USP42: variants seen among roughly 807,000 people sequenced by gnomAD.
USP42 encodes the protein ubiquitin specific peptidase 42, also known as ubiquitin carboxyl-terminal hydrolase 42.
In USP42, 23 loss-of-function variants were observed where a neutral mutation model predicts 113.0. The ratio of observed to expected loss-of-function variants is 0.20; its 90% CI spans 0.15 to 0.29. The LOEUF (loss-of-function observed/expected upper bound fraction) is 0.29, where lower values mean the gene tolerates loss of function less well. USP42 is among the 10% of genes least tolerant of loss of function. The pLI is 1.00. For synonymous variants in USP42, 933 were observed against 699.0 expected, an observed-to-expected ratio of 1.33 and a Z score of -5.28; for missense variants, 2,174 against 1,779.8, an observed-to-expected ratio of 1.22 and a Z score of -3.99.
chr7:6,154,032 C>T lies in USP42; in HGVS notation c.2478C>T (p.Gly826=), dbSNP rs774767617. Residue 826 remains glycine, a synonymous_variant, in exon 15 of 18, where the codon GGC becomes GGT. Coordinates refer to ENST00000306177, the MANE Select transcript of USP42 (RefSeq NM_032172.3). ...PDLCDPGSLT[G]DASPLSQDAK... The stretch of plus-strand genomic sequence containing the variant: ...TGTGTGATCCCGGGAGCTTAACAGG[C>T]GATGCGAGCCCGTTGTCCCAGGACG... 5.5e-5 allele frequency: 88 copies of T among 1,604,784 alleles called. No individual in the cohort carries two copies. The highest frequency in any genetic ancestry group is 7.0e-5 in the Non-Finnish European group (83 of 1,179,292).
the USP42 span, chr7:6,081,750 C>G: frequency 4.6e-5 from 7 of 152,212 alleles, no homozygotes; most frequent in Middle Eastern, 3.2e-3. Context: ...ACGTGGACTG[C>G]GGGTTCGCTC....
intron 4 of USP42, 43 bp downstream of exon 4, chr7:6,135,994 TA>T: frequency 8.7e-7 from 1 of 1,151,734 alleles, no homozygotes; most frequent in South Asian, 1.6e-5. Flanking sequence ...ATTTATTACC[TA>T]GTTATACTTT....
intron 11 of USP42, among the ~76,000 whole-genome samples, chr7:6,147,324 G>A (rs139141728): frequency 1.4e-4 from 22 of 152,284 alleles, no homozygotes; most frequent in South Asian, 4.1e-4. Context: ...TGAGCCAGGC[G>A]TGGTGGTGCA....
Position 6,157,053 on chromosome 7 carries a change from AG to A in USP42, c.3943+1del. 1.3e-6 allele frequency: 2 copies of A among 1,581,066 alleles called. No homozygotes were observed. The highest frequency in any genetic ancestry group is 2.3e-5 in the South Asian group (2 of 86,076). On this transcript the variant is annotated frameshift_variant and splice_region_variant, in exon 16 of 18. Transcript: ENST00000306177. LOFTEE classifies it high-confidence loss of function. This position sits in a 1 kb window ranked among gnomAD's most constrained non-coding sequence, Gnocchi z 4.1. ...DDRCRLFEYG[Q>X]GD Reference sequence around the variant, plus strand: ...AGGTGTCGTCTCTTTGAGTATGGCCAGGGTAAGAGGAGATACTTGGAATTAG... The same window carrying A: ...AGGTGTCGTCTCTTTGAGTATGGCCAGGTAAGAGGAGATACTTGGAATTAG...
chr7:6,105,835 C>G (rs1779249996), intron 1 of USP42, among the ~76,000 whole-genome samples: 1 of 152,228 alleles, frequency 6.6e-6, no homozygotes, highest in Non-Finnish European at 1.5e-5. Context: ...ACCCCTCTCA[C>G]ATGCATGCAG....
chr7:6,149,281 C>T (rs145396688), intron 12 of USP42, among the ~76,000 whole-genome samples: 2 of 152,270 alleles, frequency 1.3e-5, no homozygotes, highest in East Asian at 3.9e-4. Context: ...GTGTGTGACT[C>T]CATGCCACAG....
At chr7:6,115,246 T>C in intron 2 of USP42, 77 bp from the exon 3 acceptor site, 1 of 1,430,032 alleles carries the variant, frequency 7.0e-7, no homozygotes, top group South Asian at 1.2e-5. Context: ...AAGATTGAGG[T>C]TTGACCAGGT....
intron 9 of USP42, among the ~76,000 whole-genome samples, chr7:6,145,259 A>G (rs1275749894): frequency 6.6e-6 from 1 of 151,458 alleles, no homozygotes; most frequent in Non-Finnish European, 1.5e-5. Context: ...TGAACCCGGG[A>G]GGCGGAGCTT....
intron 2 of USP42, 115 bp from the exon 3 acceptor site, chr7:6,115,208 G>T: frequency 2.0e-6 from 2 of 981,480 alleles, no homozygotes; most frequent in South Asian, 1.5e-5. Flanking sequence ...ATTTCAGGTA[G>T]GCTGGTCATG....
chr7:6,108,588 C>T (rs1413165982), intron 1 of USP42, among the ~76,000 whole-genome samples: 1 of 152,126 alleles, frequency 6.6e-6, no homozygotes, highest in Non-Finnish European at 1.5e-5. Flanking sequence ...TCAAGCGATT[C>T]TCCTACCTCA....
At position 6,159,467 on chromosome 7, in the gene USP42, C is replaced by G. The variant is rs778725705; in HGVS notation, c.*10C>G. The G allele has an allele frequency of 7.7e-5, 125 of 1,613,764 alleles. No homozygotes were observed. The highest frequency in any genetic ancestry group is 1.0e-4 in the Non-Finnish European group (120 of 1,179,856). ...CTTTCTAGGTGATTGAAAACTCAGC[C>G]TCAAAACAAAAAATTCACTAGTTAT... On this transcript the variant is annotated 3_prime_UTR_variant, in exon 17 of 18. Coordinates refer to ENST00000306177, the MANE Select transcript of USP42 (RefSeq NM_032172.3). The surrounding 1 kb of genome is among the most constrained non-coding windows in gnomAD (Gnocchi z 4.1).
At chr7:6,130,229 C>G (rs1780777375) in intron 3 of USP42, among the ~76,000 whole-genome samples, 4 of 152,240 alleles carry the variant, frequency 2.6e-5, no homozygotes, top group African/African-American at 9.6e-5. Context: ...TGACACTGCT[C>G]TGGCAGAGGA....
Position 6,140,343 on chromosome 7 carries a change from G to C in USP42, c.724+148G>C, listed in dbSNP as rs1443640118. The C allele has an allele frequency of 1.3e-5, 9 of 713,640 alleles. No individual in the cohort carries two copies. The East Asian group carries it at 2.1e-4, about 17-fold the overall frequency. 44.2% of individuals were successfully genotyped at this position (713,640 alleles called of 1,614,324 possible). A position where few individuals can be genotyped will look rare whatever the true frequency, so the allele number is the denominator to read the frequency against. ...ATTCCTTTTACCCAGAGGCAGCCTC[G>C]GTGCCAGGTTGTAGTAAATCCTCCT... On this transcript the variant is annotated intron_variant, in intron 6 of 17. Coordinates refer to ENST00000306177, the MANE Select transcript of USP42 (RefSeq NM_032172.3).
At chr7:6,133,455 A>G (rs1780958849) in intron 3 of USP42, among the ~76,000 whole-genome samples, 4 of 152,096 alleles carry the variant, frequency 2.6e-5, no homozygotes. Flanking sequence ...AAGTTCACTA[A>G]TCTTTTCTTC....
chr7:6,102,612 C>T (rs1790160376), upstream of USP42, among the ~76,000 whole-genome samples: 3 of 150,520 alleles, frequency 2.0e-5, no homozygotes. Context: ...AAAGATTAGC[C>T]AGGTGTGGTG....
At chr7:6,110,458 A>G (rs937116655) in intron 1 of USP42, among the ~76,000 whole-genome samples, 3 of 152,220 alleles carry the variant, frequency 2.0e-5, no homozygotes, top group South Asian at 2.1e-4. Context: ...AAAGAAAATT[A>G]TAATCAAGTC....
intron 3 of USP42, among the ~76,000 whole-genome samples, chr7:6,121,974 A>T (rs73058632): frequency 1.3e-5 from 2 of 152,250 alleles, no homozygotes; most frequent in Middle Eastern, 3.4e-3. Flanking sequence ...TTTTCGTTTG[A>T]TCAATCTGAC....
chr7:6,101,876 CG>C (rs1790137050), upstream of USP42, among the ~76,000 whole-genome samples: 2 of 148,792 alleles, frequency 1.3e-5, no homozygotes, highest in African/African-American at 5.1e-5. Context: ...GCCAGGAGTT[CG>C]AGTCCAGCCT....
chr7:6,133,561 C>CTGGA (rs1284239852), intron 3 of USP42, among the ~76,000 whole-genome samples: 1 of 152,206 alleles, frequency 6.6e-6, no homozygotes, highest in Non-Finnish European at 1.5e-5. Flanking sequence ...GTCACCCAGG[C>CTGGA]TGGAGTGCAG....
Sources: allele counts gnomAD v4.1 joint callset (sites outside exome capture counted in the v4.1 genomes callset), GRCh38; gene constraint gnomAD v4.1.1; non-coding constraint Gnocchi (gnomAD v3.1); transcripts MANE v1.5; gene names NCBI Gene and HGNC (gene_info 2026-07-23, HGNC 2026-07-21).